Variants in SLC4A4 observed in about 807,000 individuals in gnomAD.
SLC4A4 encodes electrogenic sodium bicarbonate cotransporter 1.
Under a neutral mutation model 111.5 loss-of-function variants are expected in SLC4A4, and 27 were observed. The ratio of observed to expected loss-of-function variants is 0.24; its 90% confidence interval spans 0.18 to 0.33. The LOEUF (loss-of-function observed/expected upper bound fraction) is 0.33, where lower values mean the gene tolerates loss of function less well. Among genes scored for constraint, SLC4A4 ranks in the 10% least tolerant of loss-of-function variants. SLC4A4 has a pLI of 1.00. For synonymous variants in SLC4A4, 443 were observed against 463.4 expected (o/e 0.96, Z 0.57); for missense variants, 909 against 1,315.5 (o/e 0.69, Z 4.78).
intron 14 of SLC4A4, among the ~76,000 whole-genome samples, chr4:71,474,420 C>G (rs1400974101): frequency 6.6e-6 from 1 of 151,794 alleles, no homozygotes; most frequent in Non-Finnish European, 1.5e-5. Flanking sequence ...ATGCAGAATG[C>G]TTATGAATTT....
chr4:71,437,198 C>T (rs1724239773), intron 7 of SLC4A4: 1 of 403,952 alleles, frequency 2.5e-6, no homozygotes, highest in African/African-American at 2.1e-5. Flanking sequence ...ATACTTGAGT[C>T]CCTATGCTGT....
intron 3 of SLC4A4, among the ~76,000 whole-genome samples, chr4:71,318,598 G>T (rs902571950): frequency 2.0e-5 from 3 of 151,946 alleles, no homozygotes; most frequent in Admixed American, 2.0e-4. Context: ...ATTCTGTTTA[G>T]GGAATTCATT....
intron 1 of SLC4A4, among the ~76,000 whole-genome samples, chr4:71,230,958 G>A (rs1271911471): frequency 1.3e-5 from 2 of 152,240 alleles, no homozygotes; most frequent in Admixed American, 6.5e-5. Context: ...AAAGCAGCAG[G>A]CTTTTTGCTA....
intron 11 of SLC4A4, among the ~76,000 whole-genome samples, chr4:71,452,796 C>T (rs1384222640): frequency 1.3e-5 from 2 of 152,158 alleles, no homozygotes; most frequent in Non-Finnish European, 2.9e-5. Context: ...CCTTCAGGTC[C>T]TTACCCTAAA....
chr4:71,278,946 A>G (rs537279023), intron 3 of SLC4A4, among the ~76,000 whole-genome samples: 9 of 152,142 alleles, frequency 5.9e-5, no homozygotes, highest in Admixed American at 1.3e-4. Flanking sequence ...TTATTGAGGT[A>G]TAATTGACAA....
At chr4:71,480,342 A>G (rs1430527966) in intron 14 of SLC4A4, among the ~76,000 whole-genome samples, 1 of 151,510 alleles carries the variant, frequency 6.6e-6, no homozygotes, top group Non-Finnish European at 1.5e-5. Flanking sequence ...AGTCTTGCTG[A>G]AAATACTTGG....
rs571841435 is a variant in SLC4A4, at chr4:71,438,428, C to T, written c.808-2188C>T. On this transcript the variant is annotated intron_variant, in intron 7 of 25. Coordinates refer to ENST00000264485, the MANE Select transcript of SLC4A4 (RefSeq NM_001098484.3). ...CTTGTCCTAACTACTTTACAAGGTT[C>T]CTGTGAGAAAGTCAGGGTGAAAAGT... is the stretch of plus-strand genomic sequence containing the variant. Among the ~76,000 whole-genome samples the T allele has an allele frequency of 1.9e-3, 295 of 152,260 alleles. 1 individual carries two copies. Among genetic ancestry groups the T allele is most frequent in the South Asian group, 4.3e-3 (21 of 4,828 alleles).
At chr4:71,227,903 A>G (rs1374716740) in intron 1 of SLC4A4, among the ~76,000 whole-genome samples, 1 of 152,196 alleles carries the variant, frequency 6.6e-6, no homozygotes, top group African/African-American at 2.4e-5. Context: ...TTGGAAGGAC[A>G]AAGTATTTGG....
At chr4:71,566,646 CT>C (rs1168710738) in intron 24 of SLC4A4, among the ~76,000 whole-genome samples, 1 of 151,326 alleles carries the variant, frequency 6.6e-6, no homozygotes, top group Non-Finnish European at 1.5e-5. Flanking sequence ...AAAAAAAAAT[CT>C]TTTTTTCCTT....
chr4:71,392,285 C>T (rs1406957240), intron 6 of SLC4A4, among the ~76,000 whole-genome samples: 2 of 152,010 alleles, frequency 1.3e-5, no homozygotes, highest in Admixed American at 6.6e-5. Flanking sequence ...AGCCAGATAA[C>T]CTCTTTGTGT....
chr4:71,391,621 A>C (rs2148968030), intron 6 of SLC4A4, among the ~76,000 whole-genome samples: 1 of 152,250 alleles, frequency 6.6e-6, no homozygotes, highest in Admixed American at 6.5e-5. Context: ...AAACTGCTTG[A>C]AAATGTGATT....
At chr4:71,070,922 C>G (rs963519066) in intron 1 of SLC4A4, among the ~76,000 whole-genome samples, 3 of 152,142 alleles carry the variant, frequency 2.0e-5, no homozygotes, top group African/African-American at 7.2e-5. Flanking sequence ...TCTGTTGCAT[C>G]CATTTCTCAG....
At chr4:71,108,847 A>G (rs902779329) in intron 2 of SLC4A4, among the ~76,000 whole-genome samples, 2 of 151,502 alleles carry the variant, frequency 1.3e-5, no homozygotes, top group African/African-American at 4.9e-5. Flanking sequence ...CAGGTTTTCT[A>G]TCTCTTTATT....
intron 3 of SLC4A4, among the ~76,000 whole-genome samples, chr4:71,314,615 C>T (rs150684737): frequency 1.3e-5 from 2 of 152,124 alleles, no homozygotes; most frequent in African/African-American, 4.8e-5. Flanking sequence ...ATGTCCTTTG[C>T]AGAGACATGG....
intron 3 of SLC4A4, among the ~76,000 whole-genome samples, chr4:71,282,750 T>A (rs74460476): frequency 1.4e-5 from 2 of 147,400 alleles, no homozygotes; most frequent in South Asian, 4.3e-4. Context: ...ATCTGGCTGA[T>A]TTTTTTTTTT....
Position 71,330,234 on chromosome 4 carries a change from C to T in SLC4A4, c.254-9136C>T, listed in dbSNP as rs1360185750. Reference sequence around the variant, plus strand: ...GCTAGTATTTTGTTGAGAATTTTTGCATCAGTGTTCATTAAGGATATTGGC... The same window carrying T: ...GCTAGTATTTTGTTGAGAATTTTTGTATCAGTGTTCATTAAGGATATTGGC... On this transcript the variant is annotated intron_variant, in intron 3 of 25. Transcript: ENST00000264485. Among the ~76,000 whole-genome samples, 5 of 152,092 alleles carry T rather than the reference C, an allele frequency of 3.3e-5. No homozygotes were observed. The East Asian group carries it at 9.6e-4, about 29-fold the overall frequency.
At chr4:71,189,167 C>G (rs1745620271) in intron 1 of SLC4A4, among the ~76,000 whole-genome samples, 1 of 152,080 alleles carries the variant, frequency 6.6e-6, no homozygotes, top group Non-Finnish European at 1.5e-5. Flanking sequence ...AACTAAGAAA[C>G]CCCCAACATT....
chr4:71,514,625 G>A (rs922925664), intron 16 of SLC4A4, among the ~76,000 whole-genome samples: 1 of 151,988 alleles, frequency 6.6e-6, no homozygotes, highest in Non-Finnish European at 1.5e-5. Context: ...TCTAGTCCTG[G>A]GATTTTCGTT....
chr4:71,064,445 A>T (rs1741463605), intron 1 of SLC4A4, among the ~76,000 whole-genome samples: 1 of 152,242 alleles, frequency 6.6e-6, no homozygotes, highest in African/African-American at 2.4e-5. Flanking sequence ...GGAATATAAT[A>T]GTACTAATCA....
Sources: allele counts gnomAD v4.1 joint callset (sites outside exome capture counted in the v4.1 genomes callset), GRCh38; gene constraint gnomAD v4.1.1; transcripts MANE v1.5; gene names NCBI Gene and HGNC (gene_info 2026-07-23, HGNC 2026-07-21).